DOCK8: variants seen among roughly 807,000 people sequenced by gnomAD.
DOCK8 encodes dedicator of cytokinesis protein 8.
Under a neutral mutation model 245.6 loss-of-function variants are expected in DOCK8, and 141 were observed. The ratio of observed to expected loss-of-function variants is 0.57; its 90% CI spans 0.50 to 0.66. The LOEUF (loss-of-function observed/expected upper bound fraction) is 0.66. Ranked by LOEUF, DOCK8 falls within the 30% of genes least tolerant of loss-of-function variation. The probability of loss-of-function intolerance (pLI) is 0.00; values close to 1 mark genes in which losing one functional copy is unlikely to be tolerated. For synonymous variants in DOCK8, 1,168 were observed against 970.2 expected (o/e 1.20, Z -3.79); for missense variants, 2,965 against 2,603.4 (o/e 1.14, Z -3.02).
chr9:330,559 C>T (rs2050964468), intron 9 of DOCK8, among the ~76,000 whole-genome samples: 1 of 152,042 alleles, frequency 6.6e-6, no homozygotes, highest in Non-Finnish European at 1.5e-5. Context: ...GATCCCTGTG[C>T]CTGAGTGGTT....
chr9:325,981 G>C (rs1431174385), intron 8 of DOCK8, among the ~76,000 whole-genome samples: 2 of 152,196 alleles, frequency 1.3e-5, no homozygotes, highest in Non-Finnish European at 2.9e-5. Flanking sequence ...AATAGAGAAA[G>C]AATGAAATAG....
At chr9:307,350 T>G (rs867694843) in intron 5 of DOCK8, among the ~76,000 whole-genome samples, 107 of 23,258 alleles carry the variant, frequency 4.6e-3, no homozygotes, top group African/African-American at 5.0e-3. Context: ...TTTTTTTTTT[T>G]TTTTTTTTTT....
At chr9:248,532 T>C (rs779468013) in intron 1 of DOCK8, among the ~76,000 whole-genome samples, 10 of 76,820 alleles carry the variant, frequency 1.3e-4, no homozygotes, top group Non-Finnish European at 2.9e-4. Flanking sequence ...TCCCTCTCTC[T>C]CTTTCTTTCT....
intron 4 of DOCK8, among the ~76,000 whole-genome samples, chr9:295,410 A>G (rs1045038834): frequency 6.6e-6 from 1 of 152,172 alleles, no homozygotes; most frequent in African/African-American, 2.4e-5. Context: ...CAGTTATCCC[A>G]ATATTCCCTC....
At chr9:303,116 C>G (rs562402055) in intron 4 of DOCK8, among the ~76,000 whole-genome samples, 10 of 151,732 alleles carry the variant, frequency 6.6e-5, no homozygotes, top group Admixed American at 6.6e-4. Context: ...GCTATAATCA[C>G]ACCACTGCAC....
At chr9:344,469 T>TC (rs1015579142) in intron 14 of DOCK8, among the ~76,000 whole-genome samples, 2 of 151,900 alleles carry the variant, frequency 1.3e-5, no homozygotes, top group African/African-American at 4.8e-5. Flanking sequence ...TTCCTGCACC[T>TC]CCCCCCATTC....
At chr9:422,003 G>A (rs763720221) in intron 32 of DOCK8, 45 bp from the exon 33 acceptor site, 10 of 1,512,412 alleles carry the variant, frequency 6.6e-6, no homozygotes, top group African/African-American at 1.4e-5. Context: ...ATCTTGGAGG[G>A]TTTCATGCTA....
chr9:332,451 G>A lies in DOCK8; in HGVS notation c.1098G>A (p.Thr366=), dbSNP rs139297216. The change falls in exon 10 of 48, where the codon ACG becomes ACA. Residue 366 remains threonine (T), a synonymous_variant. Coordinates refer to ENST00000432829, the MANE Select transcript of DOCK8 (RefSeq NM_203447.4). ...TTGGAGACTGTGCAGAGCCCTACAC[G>A]GTTATCAAAGAAAGTGATGGTGGAA... ...GEIGDCAEPY[T]VIKESDGGKS... is the part of the protein sequence containing the mutation. The A allele has an allele frequency of 6.0e-5, 97 of 1,613,030 alleles. 2 individuals are homozygous for A. The highest frequency in any genetic ancestry group is 2.4e-4 in the South Asian group (22 of 91,058).
intron 38 of DOCK8, among the ~76,000 whole-genome samples, chr9:434,310 A>G (rs1007413474): frequency 7.9e-5 from 12 of 152,238 alleles, no homozygotes; most frequent in Non-Finnish European, 1.3e-4. Flanking sequence ...AATTATATTC[A>G]GACATACATA....
intron 26 of DOCK8, among the ~76,000 whole-genome samples, chr9:401,000 ACCATTAGCT>A (rs2055054574): frequency 7.0e-6 from 1 of 141,904 alleles, no homozygotes; most frequent in Non-Finnish European, 1.5e-5. Flanking sequence ...CACCACCACC[ACCATTAGCT>A]CCACCATGAC....
chr9:382,054 A>T (rs1017459546), intron 21 of DOCK8, among the ~76,000 whole-genome samples: 12 of 152,248 alleles, frequency 7.9e-5, no homozygotes, highest in Non-Finnish European at 1.5e-5. Flanking sequence ...AGTGCTGTAT[A>T]CATCATATAC....
intron 46 of DOCK8, chr9:456,929 G>T (rs925083242): frequency 2.6e-5 from 4 of 152,164 alleles, no homozygotes; most frequent in African/African-American, 9.7e-5. Flanking sequence ...ACCAGTTACA[G>T]CTTGCCTTTA....
Position 421,074 on chromosome 9 carries a change from T to A in DOCK8, c.4149T>A (p.Ala1383=). The change falls in exon 32 of 48, where the codon GCT becomes GCA. Residue 1383 remains alanine (A), a synonymous_variant. Transcript: ENST00000432829. ...GARGEMMRRR[A]PGNDRFPGLN... ...GAGGGGAGATGATGCGCCGCCGGGC[T>A]CCAGGTGTGTTGGACTGGCCCTTCC... 1 of 1,614,048 alleles carries A rather than the reference T, an allele frequency of 6.2e-7. No homozygotes were observed. Among genetic ancestry groups the A allele is most frequent in the Non-Finnish European group, 8.5e-7 (1 of 1,180,026 alleles).
chr9:368,360 G>GA, intron 15 of DOCK8: 1 of 711,986 alleles, frequency 1.4e-6, no homozygotes, highest in Non-Finnish European at 2.6e-6. Flanking sequence ...GGAACATACA[G>GA]ATCATTTTAG....
rs549893843 is a variant in DOCK8 at position 305,884 on chromosome 9, C to G, written c.528+1180C>G. Among the ~76,000 whole-genome samples, 4 of 152,304 alleles carry G rather than the reference C, an allele frequency of 2.6e-5. No homozygotes were observed. In the South Asian group the frequency reaches 8.3e-4, roughly 32 times the overall value. ...CAAAAAGTAGAAGCAGCCCAAGTAT[C>G]CATCCATAATGAATGGATAAACAAA... On this transcript the variant is annotated intron_variant, in intron 5 of 47. Coordinates refer to ENST00000432829, the MANE Select transcript of DOCK8 (RefSeq NM_203447.4).
chr9:369,938 A>T (rs1415187406), intron 15 of DOCK8: 2 of 424,884 alleles, frequency 4.7e-6, no homozygotes, highest in Admixed American at 3.5e-5. Flanking sequence ...AGTAGCAGGG[A>T]CTATACGCAT....
intron 14 of DOCK8, among the ~76,000 whole-genome samples, chr9:351,095 G>A (rs995245014): frequency 6.6e-5 from 10 of 152,180 alleles, no homozygotes; most frequent in Non-Finnish European, 1.3e-4. Flanking sequence ...GGGGATGCCA[G>A]CGACATCCCT....
chr9:323,849 A>G (rs2050634395), intron 7 of DOCK8, among the ~76,000 whole-genome samples: 1 of 152,086 alleles, frequency 6.6e-6, no homozygotes, highest in Non-Finnish European at 1.5e-5. Context: ...CCCTCCTTTT[A>G]TGGCTAAATA....
chr9:430,322 C>A (rs111565743), intron 36 of DOCK8, among the ~76,000 whole-genome samples: 6 of 151,988 alleles, frequency 3.9e-5, no homozygotes, highest in Admixed American at 2.6e-4. Flanking sequence ...TGCAGTGAGC[C>A]GAGATTGCCC....
Sources: allele counts gnomAD v4.1 joint callset (sites outside exome capture counted in the v4.1 genomes callset), GRCh38; gene constraint gnomAD v4.1.1; transcripts MANE v1.5; gene names NCBI Gene and HGNC (gene_info 2026-07-23, HGNC 2026-07-21).